Variants in GABRA3 observed in about 807,000 individuals in gnomAD.
GABRA3 encodes gamma-aminobutyric acid receptor subunit alpha-3.
GABRA3 carries 10 observed loss-of-function variants against 30.1 expected under a neutral mutation model. That is an observed-to-expected ratio of 0.33 (90% CI 0.20 to 0.56). The LOEUF (loss-of-function observed/expected upper bound fraction) is 0.56. Ranked by LOEUF, GABRA3 falls within the 20% of genes least tolerant of loss-of-function variation. The pLI, the probability that GABRA3 is intolerant of heterozygous loss-of-function variation, is 0.89. For synonymous variants in GABRA3, 151 were observed against 146.8 expected, an observed-to-expected ratio of 1.03 and a Z score of -0.21; for missense variants, 233 against 392.0, an observed-to-expected ratio of 0.59 and a Z score of 3.42.
At chrX:152,228,837 C>T (rs930050036) in intron 5 of GABRA3, among the ~76,000 whole-genome samples, 1 of 111,086 alleles carries the variant, frequency 9.0e-6, no homozygotes, top group Admixed American at 9.6e-5. Context: ...ATATCCCCTT[C>T]CCTTACATAA....
chrX:152,342,765 T>A (rs1163567478), intron 3 of GABRA3, among the ~76,000 whole-genome samples: 1 of 111,836 alleles, frequency 8.9e-6, no homozygotes, highest in Non-Finnish European at 1.9e-5. Context: ...AGCTTGATTT[T>A]AACCTTTGTC....
intron 1 of GABRA3, among the ~76,000 whole-genome samples, chrX:152,388,662 G>A: frequency 8.9e-6 from 1 of 112,480 alleles, no homozygotes; most frequent in Non-Finnish European, 1.9e-5. Flanking sequence ...CATGAAACAT[G>A]TCATAATAGT....
intron 9 of GABRA3, among the ~76,000 whole-genome samples, chrX:152,186,078 A>G (rs1937249361): frequency 8.9e-6 from 1 of 111,735 alleles, no homozygotes; most frequent in Admixed American, 9.5e-5. Flanking sequence ...TCTACCCTAT[A>G]TGTCTTCATC....
At chrX:152,197,838 C>A in intron 7 of GABRA3, 53 bp from the exon 8 acceptor site, 4 of 971,348 alleles carry the variant, frequency 4.1e-6, no homozygotes, top group Non-Finnish European at 5.7e-6. Flanking sequence ...ATTGCTAAAT[C>A]AAGTTGGGCC....
intron 1 of GABRA3, among the ~76,000 whole-genome samples, chrX:152,368,070 A>T (rs1442372682): frequency 8.9e-6 from 1 of 112,014 alleles, no homozygotes; most frequent in Admixed American, 9.5e-5. Context: ...TTCCCTACAA[A>T]GTGGGCAGAG....
At chrX:152,264,588 A>G (rs1476991048) in intron 4 of GABRA3, among the ~76,000 whole-genome samples, 2 of 111,515 alleles carry the variant, frequency 1.8e-5, no homozygotes, top group Non-Finnish European at 1.9e-5. Context: ...AAGGAAGAAA[A>G]GACCACAAAA....
At chrX:152,424,371 C>T (rs768757129) in intron 1 of GABRA3, among the ~76,000 whole-genome samples, 4 of 110,915 alleles carry the variant, frequency 3.6e-5, no homozygotes, top group African/African-American at 1.3e-4. Context: ...TACAAACTCA[C>T]TCTTGGCCAC....
chrX:152,275,331 T>A (rs1322412650), intron 4 of GABRA3, among the ~76,000 whole-genome samples: 1 of 5,684 alleles, frequency 1.8e-4, no homozygotes, highest in Non-Finnish European at 3.3e-4. Flanking sequence ...ATAATATATA[T>A]TTAATATTAT....
chrX:152,277,118 C>T (rs1603231620), intron 4 of GABRA3, among the ~76,000 whole-genome samples: 2 of 111,483 alleles, frequency 1.8e-5, no homozygotes, highest in Admixed American at 1.9e-4. Flanking sequence ...GGTTTTCATC[C>T]AGTCTGTGCC....
intron 3 of GABRA3, among the ~76,000 whole-genome samples, chrX:152,341,611 C>G (rs1431996638): frequency 3.1e-5 from 3 of 96,649 alleles, no homozygotes; most frequent in Non-Finnish European, 6.1e-5. Flanking sequence ...GTGATCTTGG[C>G]TCACTACCAT....
chrX:152,409,227 T>C (rs1304578739), intron 1 of GABRA3, among the ~76,000 whole-genome samples: 1 of 110,986 alleles, frequency 9.0e-6, no homozygotes, highest in East Asian at 2.8e-4. Flanking sequence ...GGCATGGTGG[T>C]ACATGCCTGT....
chrX:152,187,130 T>A (rs764554835), intron 9 of GABRA3: 4 of 111,680 alleles, frequency 3.6e-5, no homozygotes, highest in African/African-American at 9.8e-5. Context: ...TATGTCAGAG[T>A]AAGGATACCT....
intron 1 of GABRA3, among the ~76,000 whole-genome samples, chrX:152,367,923 A>G (rs1050230232): frequency 8.9e-6 from 1 of 111,957 alleles, no homozygotes; most frequent in Non-Finnish European, 1.9e-5. Flanking sequence ...ATTCCATTCA[A>G]AAGGAAATAT....
chrX:152,310,464 C>A (rs1311880915), intron 3 of GABRA3, among the ~76,000 whole-genome samples: 1 of 111,530 alleles, frequency 9.0e-6, no homozygotes, highest in East Asian at 2.8e-4. Context: ...AAATAGAAAT[C>A]AATACCAAAA....
intron 3 of GABRA3, among the ~76,000 whole-genome samples, chrX:152,289,997 T>C (rs770022905): frequency 8.9e-6 from 1 of 112,169 alleles, no homozygotes; most frequent in Non-Finnish European, 1.9e-5. Flanking sequence ...TGTTTCTTTA[T>C]AGTAGCATGA....
chrX:152,364,618 T>A (rs1380023644), intron 1 of GABRA3, 22 bp from the exon 2 acceptor site: 12 of 1,107,475 alleles, frequency 1.1e-5, no homozygotes, highest in Non-Finnish European at 1.5e-5. Flanking sequence ...ACAGTTTAGA[T>A]AAGGGATAAG....
intron 5 of GABRA3, among the ~76,000 whole-genome samples, chrX:152,249,173 A>G (rs1050766800): frequency 8.1e-5 from 9 of 110,718 alleles, no homozygotes; most frequent in Non-Finnish European, 1.9e-5. Flanking sequence ...TTGGGTCATC[A>G]TTTATATTAC....
intron 4 of GABRA3, among the ~76,000 whole-genome samples, chrX:152,284,207 G>A (rs906798209): frequency 3.6e-5 from 4 of 111,502 alleles, no homozygotes; most frequent in Non-Finnish European, 5.6e-5. Context: ...TCTCCAAACT[G>A]TTTGTATCAT....
intron 5 of GABRA3, among the ~76,000 whole-genome samples, chrX:152,231,352 TAC>T (rs1436300723): frequency 8.2e-5 from 9 of 109,759 alleles, no homozygotes; most frequent in Non-Finnish European, 1.3e-4. Flanking sequence ...CGTGTGTATA[TAC>T]GTGTATATAT....
Sources: allele counts gnomAD v4.1 joint callset (sites outside exome capture counted in the v4.1 genomes callset), GRCh38; gene constraint gnomAD v4.1.1; transcripts MANE v1.5; gene names NCBI Gene and HGNC (gene_info 2026-07-23, HGNC 2026-07-21).